The following YWHAB variants were observed in gnomAD, a reference collection of about 807,000 sequenced individuals.
YWHAB encodes the protein 14-3-3 protein beta/alpha.
Under a neutral mutation model 28.5 loss-of-function variants are expected in YWHAB, and 2 were observed. The observed-to-expected ratio is 0.07, with a 90% CI of 0.03 to 0.22. YWHAB has a LOEUF of 0.22. Ranked by LOEUF, YWHAB falls within the 10% of genes least tolerant of loss-of-function variation. The probability of loss-of-function intolerance (pLI) is 1.00; values close to 1 mark genes in which losing one functional copy is unlikely to be tolerated. For missense variants in YWHAB, 148 were observed against 297.1 expected (o/e 0.50, Z 3.69); for synonymous variants, 103 against 104.7 (o/e 0.98, Z 0.10).
intron 1 of YWHAB, among the ~76,000 whole-genome samples, chr20:44,894,248 G>C (rs995018821): frequency 8.5e-5 from 13 of 152,156 alleles, no homozygotes; most frequent in African/African-American, 3.1e-4. Flanking sequence ...TGCAGGGTTG[G>C]GCCTTTTGTG....
At chr20:44,905,229 T>A in intron 4 of YWHAB, 98 bp downstream of exon 4, 1 of 1,295,818 alleles carries the variant, frequency 7.7e-7, no homozygotes, top group Non-Finnish European at 1.0e-6. Context: ...TTGGACTTTT[T>A]TTGAAAGATT....
intron 1 of YWHAB, among the ~76,000 whole-genome samples, chr20:44,889,948 A>T (rs1044391083): frequency 6.6e-6 from 1 of 152,194 alleles, no homozygotes; most frequent in Non-Finnish European, 1.5e-5. Flanking sequence ...CAGATCTGCC[A>T]TATATAGCTG....
chr20:44,906,015 A>G lies in YWHAB; in HGVS notation c.603A>G (p.Ala201=), dbSNP rs1348671524. ...CTTTGTTTTAGGCATTTGATGAAGC[A>G]ATTGCTGAATTGGATACGCTGAATG... is the stretch of plus-strand genomic sequence containing the variant. The part of the protein sequence containing the change: ...CSLAKTAFDE[A]IAELDTLNEE... The change falls in exon 5 of 6, where the codon GCA becomes GCG. Residue 201 remains alanine (A), a synonymous_variant. Coordinates refer to ENST00000353703, the MANE Select transcript of YWHAB (RefSeq NM_139323.4). The G allele has an allele frequency of 1.9e-6, 3 of 1,613,008 alleles. No individual in the cohort carries two copies. The highest frequency in any genetic ancestry group is 1.3e-5 in the African/African-American group (1 of 74,886).
chr20:44,898,350 A>G (rs929782901), intron 1 of YWHAB, among the ~76,000 whole-genome samples: 2 of 152,190 alleles, frequency 1.3e-5, no homozygotes, highest in African/African-American at 4.8e-5. Context: ...TGGAGAATCA[A>G]TTCTTTCTGA....
intron 1 of YWHAB, among the ~76,000 whole-genome samples, chr20:44,891,157 C>G (rs77983018): frequency 1.3e-5 from 2 of 151,864 alleles, no homozygotes; most frequent in Non-Finnish European, 2.9e-5. Context: ...CTTGCTCTGT[C>G]GCCTAGGCTG....
At chr20:44,904,571 A>G (rs573106527) in intron 3 of YWHAB, among the ~76,000 whole-genome samples, 59 of 152,254 alleles carry the variant, frequency 3.9e-4, no homozygotes, top group African/African-American at 1.4e-3. Flanking sequence ...CATTTTTCAT[A>G]TAAACTGAGG....
At chr20:44,890,500 CT>C (rs35619333) in intron 1 of YWHAB, among the ~76,000 whole-genome samples, 187 of 86,380 alleles carry the variant, frequency 2.2e-3, no homozygotes, top group Middle Eastern at 6.9e-3. Context: ...TGGATTCCTA[CT>C]TTTTTTTTTT....
At chr20:44,890,288 A>T (rs184397716) in intron 1 of YWHAB, among the ~76,000 whole-genome samples, 1 of 152,298 alleles carries the variant, frequency 6.6e-6, no homozygotes, top group East Asian at 1.9e-4. Flanking sequence ...GTTGCTCCTG[A>T]TGAGAGCTGG....
intron 1 of YWHAB, among the ~76,000 whole-genome samples, chr20:44,898,450 A>G (rs2066608092): frequency 6.6e-6 from 1 of 152,074 alleles, no homozygotes; most frequent in Non-Finnish European, 1.5e-5. Context: ...TCTTGAAAAT[A>G]CAGAAATGAC....
chr20:44,893,855 C>T (rs113076047), intron 1 of YWHAB, among the ~76,000 whole-genome samples: 1,738 of 151,994 alleles, frequency 0.011, 36 homozygotes, highest in African/African-American at 0.04. Context: ...TACACCACCC[C>T]GGCTAATTTT....
At chr20:44,898,665 C>G (rs2066609388) in intron 1 of YWHAB, among the ~76,000 whole-genome samples, 1 of 152,002 alleles carries the variant, frequency 6.6e-6, no homozygotes, top group South Asian at 2.1e-4. Context: ...GTGCACTGTG[C>G]CCAGCTAATT....
intron 5 of YWHAB, 118 bp from the exon 6 acceptor site, chr20:44,906,264 C>A: frequency 1.7e-6 from 2 of 1,199,510 alleles, no homozygotes; most frequent in South Asian, 2.6e-5. Context: ...TCATCCCTGT[C>A]TGCAGTGACA....
chr20:44,899,157 T>C (rs1568931543), intron 1 of YWHAB, among the ~76,000 whole-genome samples: 1 of 151,834 alleles, frequency 6.6e-6, no homozygotes, highest in South Asian at 2.1e-4. Context: ...ATACCATGTA[T>C]GTAGTAATGA....
Position 44,906,194 on chromosome 20 carries a change from GT to G in YWHAB, c.684+100del, listed in dbSNP as rs1293224430. 3.5e-5 allele frequency: 43 copies of G among 1,231,750 alleles called. 1 individual carries two copies. In the South Asian group the frequency reaches 4.1e-4, roughly 12 times the overall value. 76.3% of individuals were successfully genotyped at this position (1,231,750 alleles called of 1,614,324 possible). On this transcript the variant is annotated intron_variant, in intron 5 of 5. Coordinates refer to ENST00000353703, the MANE Select transcript of YWHAB (RefSeq NM_139323.4). ...GAGGGGATTTGTACCATTAAATGTA[GT>G]TACAGTTTTAAGTTGTTAAATTTGT...
At chr20:44,888,099 C>G (rs950515054) in intron 1 of YWHAB, among the ~76,000 whole-genome samples, 2 of 152,036 alleles carry the variant, frequency 1.3e-5, no homozygotes, top group South Asian at 2.1e-4. Context: ...ATTTTTGTTG[C>G]GACAAGCTCA....
rs539371052 is a variant in YWHAB, at chr20:44,894,076, G to A, written c.-3-7455G>A. ...CATTTTTTCACTAAGCAATCTCTGC[G>A]TTTATCAACAAATGCTTCCCAGTCC... On this transcript the variant is annotated intron_variant, in intron 1 of 5. Coordinates refer to ENST00000353703, the MANE Select transcript of YWHAB (RefSeq NM_139323.4). 2.6e-5 allele frequency among the ~76,000 whole-genome samples: 4 copies of A among 152,222 alleles called. No homozygotes were observed. The South Asian group carries it at 6.2e-4, about 24-fold the overall frequency.
At position 44,908,179 on chromosome 20, in the gene YWHAB, A is replaced by C. The variant is rs1336732062; in HGVS notation, c.*1741A>C. The C allele has an allele frequency of 2.0e-5, 3 of 152,052 alleles. No homozygotes were observed. Among genetic ancestry groups the C allele is most frequent in the African/African-American group, 2.4e-5 (1 of 41,226 alleles). 9.4% of individuals were successfully genotyped at this position (152,052 alleles called of 1,614,324 possible). ...ACCAAAAAAAAAGAAAAAAACAAAAAAAAAAATCCCTCCTTTCTAGCTGAA... is the reference window on the plus strand; with the variant it reads ...ACCAAAAAAAAAGAAAAAAACAAAACAAAAAATCCCTCCTTTCTAGCTGAA... On this transcript the variant is annotated 3_prime_UTR_variant, in exon 6 of 6. Coordinates refer to ENST00000353703, the MANE Select transcript of YWHAB (RefSeq NM_139323.4).
intron 3 of YWHAB, among the ~76,000 whole-genome samples, chr20:44,904,433 T>TG (rs1306357428): frequency 6.6e-6 from 1 of 151,702 alleles, no homozygotes; most frequent in Non-Finnish European, 1.5e-5. Context: ...AGTGATGCAT[T>TG]GCATTTATCA....
intron 1 of YWHAB, among the ~76,000 whole-genome samples, chr20:44,899,674 AAAAATTACTTATTAAAATT>A (rs2066615596): frequency 6.6e-6 from 1 of 152,360 alleles, no homozygotes; most frequent in African/African-American, 2.4e-5. Flanking sequence ...TATTTTATCC[AAAAATTACTTATTAAAATT>A]ACCGCACTCT....
Sources: allele counts gnomAD v4.1 joint callset (sites outside exome capture counted in the v4.1 genomes callset), GRCh38; gene constraint gnomAD v4.1.1; transcripts MANE v1.5; gene names NCBI Gene and HGNC (gene_info 2026-07-23, HGNC 2026-07-21).